Variants in ARHGAP44 observed in about 807,000 individuals in gnomAD.
The protein encoded by ARHGAP44 is Rho GTPase activating protein 44.
In ARHGAP44, 43 loss-of-function variants were observed where a neutral mutation model predicts 106.8. That is an observed-to-expected ratio of 0.40 (90% CI 0.32 to 0.52). ARHGAP44 has a LOEUF of 0.52. ARHGAP44 is among the 20% of genes least tolerant of loss of function. ARHGAP44 has a pLI of 0.48. For synonymous variants in ARHGAP44, 439 were observed against 410.3 expected, an observed-to-expected ratio of 1.07 and a Z score of -0.85; for missense variants, 866 against 1,050.5, an observed-to-expected ratio of 0.82 and a Z score of 2.43.
intron 1 of ARHGAP44, among the ~76,000 whole-genome samples, chr17:12,793,432 G>T (rs1195491908): frequency 6.6e-6 from 1 of 152,150 alleles, no homozygotes; most frequent in Non-Finnish European, 1.5e-5. Context: ...TCTAGGCCGG[G>T]CGTGGTGGCT....
At chr17:12,956,415 T>G (rs911236031) in intron 14 of ARHGAP44, among the ~76,000 whole-genome samples, 5 of 152,142 alleles carry the variant, frequency 3.3e-5, no homozygotes, top group African/African-American at 4.8e-5. Flanking sequence ...ACACCTCACG[T>G]TGAAAGTGGC....
Position 12,946,497 on chromosome 17 carries a change from A to AT in ARHGAP44, c.861+2303dup, listed in dbSNP as rs2038854985. On this transcript the variant is annotated intron_variant, in intron 10 of 20. Coordinates refer to ENST00000379672, the MANE Select transcript of ARHGAP44 (RefSeq NM_014859.6). ...GCTCTCTAAAAAAAAAAAAAAAGAA[A>AT]TTAGTTAAAAAATATAATAGGCTGG... Among the ~76,000 whole-genome samples, 6 of 150,938 alleles carry AT rather than the reference A, an allele frequency of 4.0e-5. No homozygotes were observed. In the South Asian group the frequency reaches 1.3e-3, roughly 32 times the overall value.
At chr17:12,840,451 T>C (rs1359538547) in intron 1 of ARHGAP44, among the ~76,000 whole-genome samples, 2 of 152,218 alleles carry the variant, frequency 1.3e-5, no homozygotes, top group African/African-American at 4.8e-5. Context: ...TTGCCACTAG[T>C]TGGCCATTCT....
chr17:12,962,082 T>C (rs565648110), intron 16 of ARHGAP44, among the ~76,000 whole-genome samples: 2 of 150,842 alleles, frequency 1.3e-5, no homozygotes, highest in South Asian at 4.2e-4. Flanking sequence ...TAAAAAAAAA[T>C]ATATATATAT....
chr17:12,867,448 A>G (rs2036265881), intron 1 of ARHGAP44, among the ~76,000 whole-genome samples: 2 of 152,178 alleles, frequency 1.3e-5, no homozygotes. Flanking sequence ...AATTGTCTCC[A>G]TAGTCTTGCT....
At chr17:12,915,114 C>CTGT (rs1374013521) in intron 4 of ARHGAP44, among the ~76,000 whole-genome samples, 11 of 152,216 alleles carry the variant, frequency 7.2e-5, no homozygotes, top group Admixed American at 7.2e-4. Flanking sequence ...TCTAGGCTCA[C>CTGT]TACAGCCTCT....
chr17:12,845,506 C>T (rs1051352820), intron 1 of ARHGAP44, among the ~76,000 whole-genome samples: 1 of 67,936 alleles, frequency 1.5e-5, no homozygotes, highest in Non-Finnish European at 3.0e-5. Context: ...GACTCCGTCT[C>T]AAAAAAAAAA....
At chr17:12,871,777 A>G (rs2036413793) in intron 1 of ARHGAP44, among the ~76,000 whole-genome samples, 1 of 152,100 alleles carries the variant, frequency 6.6e-6, no homozygotes, top group Non-Finnish European at 1.5e-5. Flanking sequence ...AAAAGTATGT[A>G]GCACCTCCCC....
At chr17:12,977,897 G>C (rs2039727715) in intron 18 of ARHGAP44, among the ~76,000 whole-genome samples, 1 of 152,000 alleles carries the variant, frequency 6.6e-6, no homozygotes, top group South Asian at 2.1e-4. Flanking sequence ...AATTAGCTGG[G>C]TGTGGTGGCA....
chr17:12,845,984 A>C (rs2035559296), intron 1 of ARHGAP44, among the ~76,000 whole-genome samples: 1 of 152,182 alleles, frequency 6.6e-6, no homozygotes, highest in African/African-American at 2.4e-5. Flanking sequence ...GTATTAAAAA[A>C]TCTATTTAGG....
intron 1 of ARHGAP44, among the ~76,000 whole-genome samples, chr17:12,880,539 A>G (rs981139803): frequency 1.3e-5 from 2 of 152,082 alleles, no homozygotes; most frequent in African/African-American, 2.4e-5. Context: ...TGTACCTCTA[A>G]GAGTCACTCA....
At chr17:12,831,854 C>T (rs1026905192) in intron 1 of ARHGAP44, among the ~76,000 whole-genome samples, 4 of 152,120 alleles carry the variant, frequency 2.6e-5, no homozygotes, top group East Asian at 1.9e-4. Flanking sequence ...CTCAGGCAAG[C>T]ATGTTAACAG....
intron 1 of ARHGAP44, among the ~76,000 whole-genome samples, chr17:12,874,120 A>G (rs899990490): frequency 6.6e-6 from 1 of 152,162 alleles, no homozygotes; most frequent in Non-Finnish European, 1.5e-5. Flanking sequence ...CTTCATGGTT[A>G]CAAGATGGCT....
Position 12,978,035 on chromosome 17 carries a change from TCAA to T in ARHGAP44, c.1764-2022_1764-2020del, listed in dbSNP as rs1329071576. ...CTGGGCAACAGAGCAAGACTCCATC[TCAA>T]AAAAAAAAAAAAAAAAAAGTGTGTT... On this transcript the variant is annotated intron_variant, in intron 18 of 20. Transcript: ENST00000379672. Among the ~76,000 whole-genome samples, 22 of 55,558 alleles carry T rather than the reference TCAA, an allele frequency of 4.0e-4. 3 individuals are homozygous for T. The highest frequency in any genetic ancestry group is 1.9e-3 in the East Asian group (4 of 2,088). The allele number at this position is 55,558 out of a possible 152,430, so 36.4% of individuals were successfully genotyped here. A position where few individuals can be genotyped will look rare whatever the true frequency, so the allele number is the denominator to read the frequency against.
chr17:12,862,310 C>T (rs2036110131), intron 1 of ARHGAP44, among the ~76,000 whole-genome samples: 2 of 152,080 alleles, frequency 1.3e-5, no homozygotes, highest in South Asian at 4.2e-4. Flanking sequence ...CAGTGTTGTC[C>T]TTAGGGCCAC....
chr17:12,870,975 C>G (rs182012895), intron 1 of ARHGAP44, among the ~76,000 whole-genome samples: 235 of 152,180 alleles, frequency 1.5e-3, no homozygotes, highest in African/African-American at 5.2e-3. Flanking sequence ...TCTCTCTCTT[C>G]TTTTACTTTC....
chr17:12,894,013 T>A (rs1204405677), intron 1 of ARHGAP44, among the ~76,000 whole-genome samples: 1 of 152,190 alleles, frequency 6.6e-6, no homozygotes, highest in Non-Finnish European at 1.5e-5. Flanking sequence ...ATTGCTAAAA[T>A]ACATTCACTC....
At chr17:12,795,413 C>T (rs1438334908) in intron 1 of ARHGAP44, among the ~76,000 whole-genome samples, 1 of 152,190 alleles carries the variant, frequency 6.6e-6, no homozygotes, top group Non-Finnish European at 1.5e-5. Context: ...TCTAGATTTC[C>T]TGCAGAATTC....
intron 7 of ARHGAP44, among the ~76,000 whole-genome samples, chr17:12,929,572 C>G (rs2038340312): frequency 6.6e-6 from 1 of 152,200 alleles, no homozygotes; most frequent in Non-Finnish European, 1.5e-5. Context: ...GGACATCGTT[C>G]TGAAAACTGC....
Sources: allele counts gnomAD v4.1 joint callset (sites outside exome capture counted in the v4.1 genomes callset), GRCh38; gene constraint gnomAD v4.1.1; transcripts MANE v1.5; gene names NCBI Gene and HGNC (gene_info 2026-07-23, HGNC 2026-07-21).